Variants in THSD4 observed in about 807,000 individuals in gnomAD.
THSD4 encodes the protein thrombospondin type 1 domain containing 4.
A neutral mutation model predicts 119.0 loss-of-function variants in THSD4; 69 were observed. That is an observed-to-expected ratio of 0.58 (90% CI 0.48 to 0.71). The LOEUF is 0.71. Ranked by LOEUF, THSD4 falls within the 30% of genes least tolerant of loss-of-function variation. THSD4 has a pLI of 0.00. For missense variants in THSD4, 1,393 were observed against 1,391.1 expected (o/e 1.00, Z -0.02); for synonymous variants, 524 against 540.4 (o/e 0.97, Z 0.42).
At chr15:71,775,022 T>C (rs2053889003) in intron 17 of THSD4, among the ~76,000 whole-genome samples, 2 of 151,958 alleles carry the variant, frequency 1.3e-5, no homozygotes, top group African/African-American at 2.4e-5. Flanking sequence ...GGCACGTGCA[T>C]GTAGTCCCAG....
chr15:71,738,266 C>T (rs777755520), intron 11 of THSD4: 13 of 443,518 alleles, frequency 2.9e-5, no homozygotes, highest in East Asian at 1.6e-4. Context: ...ATAGGGTTCA[C>T]GCTCCTATGA....
At chr15:71,575,283 A>G (rs2140905828) in intron 7 of THSD4, among the ~76,000 whole-genome samples, 1 of 152,314 alleles carries the variant, frequency 6.6e-6, no homozygotes, top group South Asian at 2.1e-4. Flanking sequence ...AGCAAATACA[A>G]AGACCATGTG....
intron 7 of THSD4, among the ~76,000 whole-genome samples, chr15:71,446,585 G>A (rs987764753): frequency 1.8e-4 from 28 of 152,022 alleles, no homozygotes; most frequent in Admixed American, 6.6e-5. Context: ...GGATATTTTT[G>A]GCTGCAGGTA....
chr15:71,395,534 G>A (rs1247160467), intron 6 of THSD4, among the ~76,000 whole-genome samples: 1 of 152,136 alleles, frequency 6.6e-6, no homozygotes, highest in Non-Finnish European at 1.5e-5. Context: ...TTGAACTCAG[G>A]AGTTCGAGAC....
intron 7 of THSD4, among the ~76,000 whole-genome samples, chr15:71,616,479 A>G (rs2050320591): frequency 6.6e-6 from 1 of 152,200 alleles, no homozygotes; most frequent in African/African-American, 2.4e-5. Flanking sequence ...AAAGAGGACA[A>G]TTGAGAAAGA....
At chr15:71,111,496 G>C, upstream of THSD4, 1 of 1,113,492 alleles carries the variant, frequency 9.0e-7, no homozygotes, top group Non-Finnish European at 1.3e-6. Flanking sequence ...GAGATTTTTA[G>C]AAACAGCTCA....
At chr15:71,115,309 G>C (rs2040347473), upstream of THSD4, 1 of 152,438 alleles carries the variant, frequency 6.6e-6, no homozygotes, top group African/African-American at 2.4e-5. The surrounding 1 kb of genome is among the most constrained non-coding windows in gnomAD (Gnocchi z 4.4). Flanking sequence ...TGGGACCCAG[G>C]GACCATCCCG....
chr15:71,366,003 G>A (rs942981110), intron 6 of THSD4, among the ~76,000 whole-genome samples: 2 of 152,138 alleles, frequency 1.3e-5, no homozygotes, highest in Non-Finnish European at 2.9e-5. Flanking sequence ...GTGAGAAGAG[G>A]TGGAGGTTCC....
In THSD4 at chr15:71,777,513, G is replaced by A. The variant is rs1292695251; in HGVS notation, c.*139G>A. The A allele has an allele frequency of 1.7e-6, 2 of 1,199,454 alleles. No homozygotes were observed. The highest frequency in any genetic ancestry group is 5.1e-5 in the East Asian group (2 of 39,188). The allele number at this position is 1,199,454 out of a possible 1,614,324, so 74.3% of individuals were successfully genotyped here. On this transcript the variant is annotated 3_prime_UTR_variant, in exon 18 of 18. Coordinates refer to ENST00000261862, the MANE Select transcript of THSD4 (RefSeq NM_024817.3). Reference sequence around the variant, plus strand: ...AACTTAGTCACCACCCCTGCCTCCGGTGAATGCACCCCGTGGTACCCAGGG... The same window carrying A: ...AACTTAGTCACCACCCCTGCCTCCGATGAATGCACCCCGTGGTACCCAGGG...
rs2047743297 is a variant in THSD4 at position 71,482,300 on chromosome 15, T to TTTTG, written c.1152+70480_1152+70481insGTTT. Among the ~76,000 whole-genome samples, 3 of 151,108 alleles carry TTTTG rather than the reference T, an allele frequency of 2.0e-5. 1 individual carries two copies. The highest frequency in any genetic ancestry group is 4.4e-5 in the Non-Finnish European group (3 of 67,694). On this transcript the variant is annotated intron_variant, in intron 7 of 17. Coordinates refer to ENST00000261862, the MANE Select transcript of THSD4 (RefSeq NM_024817.3). The stretch of plus-strand genomic sequence containing the variant: ...TGGAAAGGACTGTACTGTAACTTTT[T>TTTTG]TTTTTTTTGAGACGGAGTCTTGCTC...
At chr15:71,400,213 AAGGTTTGGGG>A (rs2046509496) in intron 6 of THSD4, among the ~76,000 whole-genome samples, 1 of 152,112 alleles carries the variant, frequency 6.6e-6, no homozygotes, top group South Asian at 2.1e-4. Flanking sequence ...TGTGGGATGG[AAGGTTTGGGG>A]TATTAGGCAA....
chr15:71,224,736 G>A (rs2044000752), intron 4 of THSD4, among the ~76,000 whole-genome samples: 2 of 152,150 alleles, frequency 1.3e-5, no homozygotes, highest in African/African-American at 4.8e-5. Context: ...ACTTGCATTG[G>A]CTCGTGGCCC....
intron 7 of THSD4, among the ~76,000 whole-genome samples, chr15:71,563,524 C>A (rs1000681687): frequency 1.3e-5 from 2 of 152,158 alleles, no homozygotes; most frequent in Admixed American, 1.3e-4. Context: ...TAAGCCAAAG[C>A]TTAAATCCGG....
At chr15:71,638,068 G>T (rs2050784535) in intron 7 of THSD4, among the ~76,000 whole-genome samples, 1 of 152,106 alleles carries the variant, frequency 6.6e-6, no homozygotes, top group South Asian at 2.1e-4. Context: ...CTTAAAAGGG[G>T]CTAAGATGGT....
intron 7 of THSD4, among the ~76,000 whole-genome samples, chr15:71,582,644 C>T (rs1051589197): frequency 1.1e-4 from 16 of 152,012 alleles, no homozygotes; most frequent in South Asian, 2.1e-4. Context: ...TATTATGTTG[C>T]GGTATATTTC....
chr15:71,103,976 CT>C (rs2040263861), intron 1 of THSD4, among the ~76,000 whole-genome samples: 1 of 152,106 alleles, frequency 6.6e-6, no homozygotes, highest in South Asian at 2.1e-4. Context: ...TTTAGTGGGA[CT>C]TTGAATTCTG....
chr15:71,149,765 T>C (rs917117505), intron 2 of THSD4, among the ~76,000 whole-genome samples: 7 of 152,080 alleles, frequency 4.6e-5, no homozygotes, highest in Admixed American at 4.6e-4. Flanking sequence ...GTTGAGTTCA[T>C]TGAGGTAATT....
chr15:71,224,790 G>A lies in THSD4; in HGVS notation c.464+9391G>A, dbSNP rs907875068. Among the ~76,000 whole-genome samples the A allele has an allele frequency of 7.2e-5, 11 of 152,084 alleles. 1 individual carries two copies. In the South Asian group the frequency reaches 1.5e-3, roughly 20 times the overall value. On this transcript the variant is annotated intron_variant, in intron 4 of 17. Transcript: ENST00000261862. Reference sequence around the variant, plus strand: ...TCTCTTGCTTCTGTAATCTCATCTCGTTCTCTGACTCTTATCCTCCTACCT... The same window carrying A: ...TCTCTTGCTTCTGTAATCTCATCTCATTCTCTGACTCTTATCCTCCTACCT...
chr15:71,234,229 T>G (rs2044083791), intron 4 of THSD4, among the ~76,000 whole-genome samples: 2 of 152,200 alleles, frequency 1.3e-5, no homozygotes, highest in South Asian at 4.1e-4. Context: ...CTCAGGCCCC[T>G]AAACACATCT....
Sources: gnomAD v4.1 joint callset for allele counts (sites outside exome capture counted in the v4.1 genomes callset) on GRCh38, gnomAD v4.1.1 for gene constraint, Gnocchi (gnomAD v3.1) non-coding constraint, MANE v1.5 for transcripts, NCBI Gene and HGNC (gene_info 2026-07-23, HGNC 2026-07-21) for gene names.